Variants in DNAH9 observed in about 807,000 individuals in gnomAD.
The protein encoded by DNAH9 is DNAH9 variant protein.
In DNAH9, 345 loss-of-function variants were observed where a neutral mutation model predicts 471.6. The ratio of observed to expected loss-of-function variants is 0.73; its 90% CI spans 0.67 to 0.80. The LOEUF (loss-of-function observed/expected upper bound fraction) is 0.80. Among genes scored for constraint, DNAH9 ranks in the 30% least tolerant of loss-of-function variants. DNAH9 has a pLI of 0.00. For missense variants in DNAH9, 5,407 were observed against 5,609.2 expected (o/e 0.96, Z 1.15); for synonymous variants, 2,093 against 2,123.6 (o/e 0.99, Z 0.40).
In DNAH9 at chr17:11,886,306, A is replaced by G. The variant is rs548616037; in HGVS notation, c.10972-519A>G. On this transcript the variant is annotated intron_variant, in intron 56 of 68. Coordinates refer to ENST00000262442, the MANE Select transcript of DNAH9 (RefSeq NM_001372.4). ...GCCATTGGACTCCAGCCTGGGGACA[A>G]GAGCGAGACTTTGTCTCAAACAAAC... 1.8e-4 allele frequency among the ~76,000 whole-genome samples: 27 copies of G among 152,306 alleles called. No individual in the cohort carries two copies. The South Asian group carries it at 5.4e-3, about 30-fold the overall frequency.
At chr17:11,739,730 A>G (rs1289053019) in intron 29 of DNAH9, among the ~76,000 whole-genome samples, 1 of 152,228 alleles carries the variant, frequency 6.6e-6, no homozygotes, top group Non-Finnish European at 1.5e-5. Context: ...TATTTTGATA[A>G]GAAAACACAA....
chr17:11,674,331 T>TA (rs1303332334), intron 17 of DNAH9, among the ~76,000 whole-genome samples: 1 of 152,324 alleles, frequency 6.6e-6, no homozygotes, highest in East Asian at 1.9e-4. Context: ...TGAAAGCTCT[T>TA]ACAGCCTAGC....
intron 22 of DNAH9, among the ~76,000 whole-genome samples, chr17:11,697,642 T>A (rs1381510350): frequency 6.6e-6 from 1 of 152,196 alleles, no homozygotes; most frequent in African/African-American, 2.4e-5. Flanking sequence ...ATTTTTTCAT[T>A]CAGGTTTATC....
chr17:11,746,509 T>C (rs75941828), intron 31 of DNAH9, among the ~76,000 whole-genome samples: 15,091 of 152,190 alleles, frequency 0.099, 828 homozygotes, highest in East Asian at 0.23. Context: ...CCCTGCACCA[T>C]GCTGGTTATA....
intron 1 of DNAH9, among the ~76,000 whole-genome samples, chr17:11,605,311 C>A (rs2072477689): frequency 6.6e-6 from 1 of 152,058 alleles, no homozygotes; most frequent in South Asian, 2.1e-4. Context: ...ATTCACAGAA[C>A]TTACTGTTTC....
At position 11,689,734 on chromosome 17, in the gene DNAH9, G is replaced by A. The variant is rs1162840372; in HGVS notation, c.3912G>A (p.Glu1304=). Residue 1304 remains glutamate (E), a synonymous_variant, in exon 20 of 69, where the codon GAG becomes GAA. Coordinates refer to ENST00000262442, the MANE Select transcript of DNAH9 (RefSeq NM_001372.4). Reference sequence around the variant, plus strand: ...GGAAGGAGGTCTGCCAGCTGAAGGAGCTCTGGGACACCATTGGAATGGTGA... The same window carrying A: ...GGAAGGAGGTCTGCCAGCTGAAGGAACTCTGGGACACCATTGGAATGGTGA... ...QCRKEVCQLK[E]LWDTIGMVTS... The A allele has an allele frequency of 1.2e-5, 20 of 1,614,210 alleles. No individual in the cohort carries two copies. The highest frequency in any genetic ancestry group is 1.7e-5 in the Non-Finnish European group (20 of 1,180,028).
intron 60 of DNAH9, among the ~76,000 whole-genome samples, 157 bp downstream of exon 60, chr17:11,903,069 G>A (rs955201130): frequency 3.3e-5 from 5 of 152,218 alleles, no homozygotes; most frequent in African/African-American, 9.6e-5. Flanking sequence ...GGCCAGGCGC[G>A]GTGGCTCACG....
intron 53 of DNAH9, among the ~76,000 whole-genome samples, chr17:11,877,473 T>TAAAAAAAAAAA (rs550300868): frequency 4.4e-5 from 3 of 68,612 alleles, no homozygotes; most frequent in African/African-American, 2.1e-4. Flanking sequence ...AAACTCTGTC[T>TAAAAAAAAAAA]AAAAAAAAAA....
At chr17:11,738,842 C>T in intron 28 of DNAH9, 38 bp from the exon 29 acceptor site, 2 of 1,599,488 alleles carry the variant, frequency 1.3e-6, no homozygotes, top group Non-Finnish European at 1.7e-6. Flanking sequence ...CACTAAAAGG[C>T]AATTGAGGAA....
At chr17:11,936,629 G>A (rs961459115) in intron 65 of DNAH9, among the ~76,000 whole-genome samples, 4 of 151,458 alleles carry the variant, frequency 2.6e-5, no homozygotes, top group African/African-American at 9.8e-5. Flanking sequence ...TCAGCAGAGT[G>A]AGAGCCTGTC....
rs555588377 is a variant in DNAH9 at position 11,608,324 on chromosome 17, G to C, written c.613G>C (p.Val205Leu). The C allele has an allele frequency of 1.4e-5, 23 of 1,598,702 alleles. No homozygotes were observed. The highest frequency in any genetic ancestry group is 6.7e-5 in the Admixed American group (4 of 59,766). Residue 205 changes from valine (V) to leucine (L), a missense_variant and splice_region_variant, in exon 2 of 69, where the codon GTC becomes CTC. This residue lies in a region of DNAH9 where 767 missense variants were observed against 692.5 expected (regional missense o/e 1.11). Transcript: ENST00000262442. ...GTTTGCGGATTCCAAAAGTGAGACA[G>C]TGTAAGTACCGCCAGCCTGGCCATA... ...MEFADSKSETVLDSIDKSVIY... is the reference protein window; with the variant it reads ...MEFADSKSETLLDSIDKSVIY...
At chr17:11,647,282 AT>A in intron 12 of DNAH9, 84 bp downstream of exon 12, 2 of 1,384,446 alleles carry the variant, frequency 1.4e-6, no homozygotes, top group Non-Finnish European at 1.0e-6. Flanking sequence ...AAAGACTTTT[AT>A]TTTTTTGAGA....
rs753891082 is a variant in DNAH9, at chr17:11,701,095, A to G, written c.5026-27A>G. ...ACTAACCAAAACTTCTCAGGCACCC[A>G]GTGTCTAACCTGAGTTGTTCTTTCA... On this transcript the variant is annotated intron_variant, in intron 23 of 68. Coordinates refer to ENST00000262442, the MANE Select transcript of DNAH9 (RefSeq NM_001372.4). 1.5e-5 allele frequency: 25 copies of G among 1,613,522 alleles called. No individual in the cohort carries two copies. The South Asian group carries it at 2.4e-4, about 16-fold the overall frequency.
chr17:11,796,669 A>G (rs1289324189), intron 42 of DNAH9, among the ~76,000 whole-genome samples: 2 of 152,140 alleles, frequency 1.3e-5, no homozygotes, highest in Admixed American at 1.3e-4. Flanking sequence ...GGAGGAAAAA[A>G]CGACAGGTGC....
chr17:11,958,394 T>A (rs1975781044), intron 67 of DNAH9, among the ~76,000 whole-genome samples: 1 of 152,228 alleles, frequency 6.6e-6, no homozygotes, highest in Admixed American at 6.5e-5. Flanking sequence ...TACAATACTG[T>A]AACGGTGGAT....
chr17:11,727,445 C>T (rs574987262), intron 27 of DNAH9, among the ~76,000 whole-genome samples: 12 of 152,228 alleles, frequency 7.9e-5, no homozygotes, highest in Non-Finnish European at 1.5e-4. Context: ...AAGATACAGA[C>T]GTAAATTTTT....
intron 26 of DNAH9, among the ~76,000 whole-genome samples, chr17:11,716,398 G>T (rs750860567): frequency 6.6e-6 from 1 of 151,342 alleles, no homozygotes; most frequent in African/African-American, 2.4e-5. Flanking sequence ...TCTTTTTTGC[G>T]TTTTTTTTCA....
At chr17:11,821,801 A>G (rs112453950) in intron 45 of DNAH9, 119 bp from the exon 46 acceptor site, 2 of 1,087,918 alleles carry the variant, frequency 1.8e-6, no homozygotes, top group South Asian at 3.2e-5. Flanking sequence ...CCAGCAAGAG[A>G]GTTGGTACAT....
At chr17:11,629,694 G>A in intron 7 of DNAH9, 110 bp downstream of exon 7, 1 of 925,592 alleles carries the variant, frequency 1.1e-6, no homozygotes, top group Non-Finnish European at 1.6e-6. Context: ...CTTTGGCTCT[G>A]TGGTCCCAGT....
Sources: gnomAD v4.1 joint callset for allele counts (sites outside exome capture counted in the v4.1 genomes callset) on GRCh38, gnomAD v4.1.1 for gene constraint, gnomAD v4.1.1 regional missense constraint, MANE v1.5 for transcripts, NCBI Gene and HGNC (gene_info 2026-07-23, HGNC 2026-07-21) for gene names.